Variants in TRIM49 observed in about 807,000 individuals in gnomAD.
The protein encoded by TRIM49 is tripartite motif containing 49.
A neutral mutation model predicts 27.4 loss-of-function variants in TRIM49; 5 were observed. That is an observed-to-expected ratio of 0.18 (90% CI 0.10 to 0.38). The LOEUF is 0.38. TRIM49 is among the 10% of genes least tolerant of loss of function. TRIM49 has a pLI of 1.00. For missense variants in TRIM49, 188 were observed against 487.5 expected, an observed-to-expected ratio of 0.39 and a Z score of 5.79; for synonymous variants, 69 against 166.0, an observed-to-expected ratio of 0.42 and a Z score of 4.49.
At chr11:89,803,056 A>T (rs1949751609) in intron 4 of TRIM49, among the ~76,000 whole-genome samples, 1 of 150,622 alleles carries the variant, frequency 6.6e-6, no homozygotes, top group Non-Finnish European at 1.5e-5. Flanking sequence ...ACGAAGAGAA[A>T]ATTATTTTAA....
chr11:89,790,098 C>T, the TRIM49 span, among the ~76,000 whole-genome samples: 4 of 136,328 alleles, frequency 2.9e-5, no homozygotes, highest in African/African-American at 8.5e-5. Context: ...AACGGCACAC[C>T]AGGAGATTAT....
downstream of TRIM49, among the ~76,000 whole-genome samples, chr11:89,793,994 G>A (rs797000854): frequency 5.0e-4 from 74 of 146,742 alleles, no homozygotes; most frequent in South Asian, 5.1e-3. Context: ...AAACCCCATC[G>A]TCTCAGCCCA....
the TRIM49 span, among the ~76,000 whole-genome samples, chr11:89,774,254 C>T: frequency 1.8e-3 from 267 of 151,086 alleles, 18 homozygotes; most frequent in African/African-American, 6.3e-3. Context: ...CCCTCGTGGG[C>T]CTCCCACAGT....
At chr11:89,780,072 G>T in the TRIM49 span, among the ~76,000 whole-genome samples, 2 of 109,738 alleles carry the variant, frequency 1.8e-5, no homozygotes, top group African/African-American at 6.5e-5. Context: ...AAAAAAAAAA[G>T]ACAGAGGGAG....
the TRIM49 span, chr11:89,768,839 G>GGAGA: frequency 2.0e-3 from 966 of 477,192 alleles, 33 homozygotes; most frequent in South Asian, 0.01. Flanking sequence ...CCCAAATCCT[G>GGAGA]GAGAGAGAGA....
At chr11:89,787,549 C>G in the TRIM49 span, 4 of 731,376 alleles carry the variant, frequency 5.5e-6, no homozygotes, top group East Asian at 6.8e-5. Flanking sequence ...GGGGCTCTGC[C>G]GACCCCTCCC....
chr11:89,794,149 G>A (rs867653229), downstream of TRIM49, among the ~76,000 whole-genome samples: 469 of 126,768 alleles, frequency 3.7e-3, no homozygotes, highest in Middle Eastern at 0.022. Context: ...TTGCTTCAAA[G>A]AGAATAAAAT....
At chr11:89,792,866 C>G (rs1382224636), downstream of TRIM49, among the ~76,000 whole-genome samples, 1 of 152,204 alleles carries the variant, frequency 6.6e-6, no homozygotes, top group African/African-American at 2.4e-5. Flanking sequence ...CATTCAAAAG[C>G]TAGCAGAAGG....
chr11:89,789,950 G>C, the TRIM49 span, among the ~76,000 whole-genome samples: 1 of 150,310 alleles, frequency 6.7e-6, no homozygotes, highest in East Asian at 2.0e-4. Flanking sequence ...AGCTGAAGGA[G>C]GATGAGGCAT....
the TRIM49 span, among the ~76,000 whole-genome samples, chr11:89,780,014 A>G: frequency 1.0e-5 from 1 of 99,854 alleles, no homozygotes; most frequent in South Asian, 3.4e-4. Flanking sequence ...AATTACTCTG[A>G]GGAATCATAG....
At chr11:89,772,298 C>T in the TRIM49 span, among the ~76,000 whole-genome samples, 1 of 134,706 alleles carries the variant, frequency 7.4e-6, no homozygotes, top group East Asian at 2.1e-4. Flanking sequence ...ATCATTAAGG[C>T]TTCTAGTCAA....
At chr11:89,776,414 C>A in the TRIM49 span, among the ~76,000 whole-genome samples, 4 of 147,858 alleles carry the variant, frequency 2.7e-5, 1 homozygote, top group East Asian at 8.1e-4. Context: ...CGTGCCACCA[C>A]GCCCTGCTAA....
chr11:89,770,898 T>C, the TRIM49 span, among the ~76,000 whole-genome samples: 1 of 134,604 alleles, frequency 7.4e-6, no homozygotes, highest in East Asian at 2.4e-4. Flanking sequence ...AAAAATCAAT[T>C]TTTGTCTATG....
At chr11:89,792,716 A>G (rs1949663089), downstream of TRIM49, among the ~76,000 whole-genome samples, 1 of 152,190 alleles carries the variant, frequency 6.6e-6, no homozygotes, top group Non-Finnish European at 1.5e-5. Flanking sequence ...GACACAACAT[A>G]CTGGAATCTC....
chr11:89,777,205 C>A, the TRIM49 span: 1 of 1,548,806 alleles, frequency 6.5e-7, no homozygotes, highest in African/African-American at 1.4e-5. Flanking sequence ...GCTGTCTTCC[C>A]TAGCCAGACA....
chr11:89,773,600 C>T, the TRIM49 span, among the ~76,000 whole-genome samples: 9 of 134,628 alleles, frequency 6.7e-5, 2 homozygotes, highest in African/African-American at 2.1e-4. Flanking sequence ...CGGCTAGGCA[C>T]ATAAGCAACT....
chr11:89,801,171 C>T (rs1368344425), intron 5 of TRIM49, among the ~76,000 whole-genome samples, 183 bp from the exon 6 acceptor site: 2 of 149,936 alleles, frequency 1.3e-5, no homozygotes, highest in Admixed American at 1.3e-4. Context: ...TATTAATTAA[C>T]GTCCTGGGAA....
the TRIM49 span, among the ~76,000 whole-genome samples, chr11:89,790,494 C>T: frequency 1.3e-5 from 2 of 151,890 alleles, no homozygotes; most frequent in Non-Finnish European, 2.9e-5. Flanking sequence ...CCAGGAGGCA[C>T]CCCCCAGTAG....
chr11:89,790,888 A>C, the TRIM49 span, among the ~76,000 whole-genome samples: 1 of 152,164 alleles, frequency 6.6e-6, no homozygotes, highest in Non-Finnish European at 1.5e-5. Flanking sequence ...AATGGAACGA[A>C]GCTGGATGGA....
Sources: gnomAD v4.1 joint callset for allele counts (sites outside exome capture counted in the v4.1 genomes callset) on GRCh38, gnomAD v4.1.1 for gene constraint, MANE v1.5 for transcripts, NCBI Gene and HGNC (gene_info 2026-07-23, HGNC 2026-07-21) for gene names.